GZMA: variants seen among roughly 807,000 people sequenced by gnomAD.
GZMA encodes the protein CTL tryptase.
A neutral mutation model predicts 21.1 loss-of-function variants in GZMA; 17 were observed. The observed-to-expected ratio is 0.81, with a 90% CI of 0.55 to 1.21. The LOEUF is 1.21. Among genes scored for constraint, GZMA ranks in the 50% most tolerant of loss-of-function variants. GZMA has a pLI of 0.00. For missense variants in GZMA, 306 were observed against 315.9 expected, an observed-to-expected ratio of 0.97 and a Z score of 0.24; for synonymous variants, 90 against 107.8, an observed-to-expected ratio of 0.83 and a Z score of 1.03.
chr5:55,103,740 T>G (rs1434873999), intron 1 of GZMA, among the ~76,000 whole-genome samples: 2 of 152,150 alleles, frequency 1.3e-5, no homozygotes, highest in Non-Finnish European at 2.9e-5. Flanking sequence ...ATATCTGGTT[T>G]ATGCACCTAA....
At chr5:55,102,856 TTTCCCCC>T (rs2111747300) in intron 1 of GZMA, 104 bp downstream of exon 1, 1 of 775,926 alleles carries the variant, frequency 1.3e-6, no homozygotes, top group East Asian at 2.5e-5. Flanking sequence ...AAGAAGATGT[TTTCCCCC>T]AAGCCTTATA....
At chr5:55,109,671 A>G (rs1439285717) in intron 4 of GZMA, among the ~76,000 whole-genome samples, 1 of 152,216 alleles carries the variant, frequency 6.6e-6, no homozygotes, top group East Asian at 1.9e-4. Context: ...CTTTGCTTCA[A>G]TGTATCATCT....
intron 2 of GZMA, among the ~76,000 whole-genome samples, chr5:55,106,318 TATA>T (rs1742416610): frequency 1.6e-5 from 2 of 128,340 alleles, no homozygotes; most frequent in African/African-American, 7.1e-5. Flanking sequence ...TAAAATAAAA[TATA>T]AAATAAAATA....
rs71808653 is a variant in GZMA, at chr5:55,103,054, A to AG, written c.70+302_70+303insG. 8.3e-3 allele frequency among the ~76,000 whole-genome samples: 1,247 copies of AG among 151,120 alleles called. 19 individuals carry two copies. Among genetic ancestry groups the AG allele is most frequent in the African/African-American group, 0.028 (1,163 of 41,142 alleles). On this transcript the variant is annotated intron_variant, in intron 1 of 4. Coordinates refer to ENST00000274306, the MANE Select transcript of GZMA (RefSeq NM_006144.4). ...ATTTTAAATATGTCTGTATTTTAGA[A>AG]AAAAAAATCTTTTCTTCTCATAATT...
intron 2 of GZMA, among the ~76,000 whole-genome samples, chr5:55,106,576 T>C (rs1039290626): frequency 6.6e-6 from 1 of 152,190 alleles, no homozygotes; most frequent in Non-Finnish European, 1.5e-5. Flanking sequence ...CAGGTAGAAT[T>C]AGCCTCAGCA....
chr5:55,103,683 C>T (rs544581552), intron 1 of GZMA, among the ~76,000 whole-genome samples: 2 of 152,218 alleles, frequency 1.3e-5, no homozygotes, highest in African/African-American at 4.8e-5. Context: ...TAATAACCTG[C>T]CTTGCCAGGA....
At position 55,109,922 on chromosome 5, in the gene GZMA, G is replaced by A. The variant is rs1005231540; in HGVS notation, c.628-99G>A. The A allele has an allele frequency of 4.5e-6, 3 of 671,604 alleles. No homozygotes were observed. The East Asian group carries it at 9.0e-5, about 20-fold the overall frequency. The allele number at this position is 671,604 out of a possible 1,614,324, so 41.6% of individuals were successfully genotyped here. On this transcript the variant is annotated intron_variant, in intron 4 of 4. Transcript: ENST00000274306. ...CACTATCTTCAATTAAGTCAAGGTT[G>A]GTCTTAACTGCATATTAAATGCTGC...
intron 1 of GZMA, among the ~76,000 whole-genome samples, chr5:55,103,516 C>T (rs1742337960): frequency 6.6e-6 from 1 of 152,110 alleles, no homozygotes; most frequent in African/African-American, 2.4e-5. Context: ...CTGTATAATT[C>T]ATGGTATTAC....
Position 55,108,143 on chromosome 5 carries a change from A to T in GZMA, c.376A>T (p.Ile126Phe). The change falls in exon 4 of 5, where the codon ATT becomes TTT. Residue 126 changes from isoleucine to phenylalanine, a missense_variant. Transcript: ENST00000274306. The stretch of plus-strand genomic sequence containing the variant: ...CCAACAGCTGATGGAAAAAGCAAAA[A>T]TTAACAAATATGTGACTATCCTTCA... Reference protein sequence around the residue: ...KLLQLMEKAKINKYVTILHLP... With the variant: ...KLLQLMEKAKFNKYVTILHLP... The T allele has an allele frequency of 6.2e-7, 1 of 1,604,948 alleles. No homozygotes were observed. The highest frequency in any genetic ancestry group is 8.5e-7 in the Non-Finnish European group (1 of 1,171,996).
intron 2 of GZMA, 84 bp downstream of exon 2, chr5:55,105,702 G>A: frequency 2.4e-6 from 3 of 1,224,600 alleles, no homozygotes; most frequent in South Asian, 1.2e-5. Flanking sequence ...GCCGGGCACA[G>A]TGGCTTACAC....
At chr5:55,104,704 T>G (rs1742355370) in intron 1 of GZMA, among the ~76,000 whole-genome samples, 1 of 152,184 alleles carries the variant, frequency 6.6e-6, no homozygotes, top group Non-Finnish European at 1.5e-5. Flanking sequence ...TCTATCTGCA[T>G]GTATGGTTTG....
At chr5:55,105,269 G>C (rs1247144805) in intron 1 of GZMA, among the ~76,000 whole-genome samples, 1 of 152,156 alleles carries the variant, frequency 6.6e-6, no homozygotes, top group Non-Finnish European at 1.5e-5. Flanking sequence ...CGCTTCTGTG[G>C]GTGGAAAAAC....
At position 55,108,214 on chromosome 5, in the gene GZMA, A is replaced by G; in HGVS notation, c.447A>G (p.Gln149=). The G allele has an allele frequency of 6.2e-7, 1 of 1,613,598 alleles. No homozygotes were observed. The highest frequency in any genetic ancestry group is 2.2e-5 in the East Asian group (1 of 44,844). ...GDDVKPGTMC[Q]VAGWGRTHNS... is the part of the protein sequence containing the mutation. ...ATGTGAAACCAGGAACCATGTGCCA[A>G]GTTGCAGGGTGGGGCAGGACTCACA... The change falls in exon 4 of 5, where the codon CAA becomes CAG. Residue 149 remains glutamine (Q), a synonymous_variant. Coordinates refer to ENST00000274306, the MANE Select transcript of GZMA (RefSeq NM_006144.4).
intron 2 of GZMA, among the ~76,000 whole-genome samples, chr5:55,106,011 TA>T (rs1231631336): frequency 0.029 from 14 of 490 alleles, 3 homozygotes; most frequent in African/African-American, 0.053. Context: ...TAAAATAAAA[TA>T]AATAAAATAA....
In GZMA at chr5:55,102,668, G is replaced by A; in HGVS notation, c.-15G>A. ...AACAGATTTTCAGGTTGATTGATGT[G>A]GGACAGCAGCCACAATGAGGAACTC... On this transcript the variant is annotated 5_prime_UTR_variant, in exon 1 of 5. The change creates a premature stop within an existing upstream ORF in the 5' untranslated region. Coordinates refer to ENST00000274306, the MANE Select transcript of GZMA (RefSeq NM_006144.4). 3 of 1,566,204 alleles carry A rather than the reference G, an allele frequency of 1.9e-6. No individual in the cohort carries two copies. The highest frequency in any genetic ancestry group is 2.6e-6 in the Non-Finnish European group (3 of 1,136,484).
rs755045725 is a variant in GZMA, at chr5:55,108,298, A to T, written c.531A>T (p.Lys177Asn). Residue 177 changes from lysine to asparagine, a missense_variant, in exon 4 of 5, where the codon AAA (lysine) becomes AAT (asparagine). Coordinates refer to ENST00000274306, the MANE Select transcript of GZMA (RefSeq NM_006144.4). ...TCAATATCACCATCATAGACAGAAA[A>T]GTCTGCAATGATCGAAATCACTATA... ...REVNITIIDR[K>N]VCNDRNHYNF... The T allele has an allele frequency of 1.2e-6, 2 of 1,613,252 alleles. No individual in the cohort carries two copies. Among genetic ancestry groups the T allele is most frequent in the South Asian group, 2.2e-5 (2 of 91,060 alleles).
In GZMA at chr5:55,108,200, G is replaced by C. The variant is rs750590418; in HGVS notation, c.433G>C (p.Gly145Arg). 1.9e-6 allele frequency: 3 copies of C among 1,613,022 alleles called. No homozygotes were observed. The highest frequency in any genetic ancestry group is 1.7e-4 in the Middle Eastern group (1 of 6,056). Residue 145 changes from glycine to arginine, a missense_variant, in exon 4 of 5, where the codon GGA becomes CGA. Gly to Arg is a moderately radical substitution (Grantham distance 125). Coordinates refer to ENST00000274306, the MANE Select transcript of GZMA (RefSeq NM_006144.4). ...TAAAAAGGGGGACGATGTGAAACCAGGAACCATGTGCCAAGTTGCAGGGTG... is the reference window on the plus strand; with the variant it reads ...TAAAAAGGGGGACGATGTGAAACCACGAACCATGTGCCAAGTTGCAGGGTG... ...LPKKGDDVKP[G>R]TMCQVAGWGR... is the part of the protein sequence containing the mutation.
intron 4 of GZMA, among the ~76,000 whole-genome samples, chr5:55,108,951 C>T (rs753843679): frequency 2.6e-5 from 4 of 152,162 alleles, no homozygotes; most frequent in Non-Finnish European, 5.9e-5. Flanking sequence ...AGCTTCCATC[C>T]TAGAACCCCC....
intron 4 of GZMA, among the ~76,000 whole-genome samples, chr5:55,108,913 A>C (rs1742459704): frequency 6.6e-6 from 1 of 152,164 alleles, no homozygotes; most frequent in South Asian, 2.1e-4. Flanking sequence ...GCAAACTTCA[A>C]AGCATGACTC....
Sources: gnomAD v4.1 joint callset for allele counts (sites outside exome capture counted in the v4.1 genomes callset) on GRCh38, gnomAD v4.1.1 for gene constraint, MANE v1.5 for transcripts, NCBI Gene and HGNC (gene_info 2026-07-23, HGNC 2026-07-21) for gene names.